The following AQP11 variants were observed in gnomAD, a reference collection of about 807,000 sequenced individuals.
AQP11 encodes aquaporin 11, also known as aquaporin-11.
AQP11 carries 20 observed loss-of-function variants against 21.1 expected under a neutral mutation model. The observed-to-expected ratio is 0.95, with a 90% CI of 0.67 to 1.38. AQP11 has a LOEUF of 1.38. Ranked by LOEUF, AQP11 falls within the 40% of genes most tolerant of loss-of-function variation. AQP11 has a pLI of 0.00. For missense variants in AQP11, 339 were observed against 340.4 expected (o/e 1.00, Z 0.03); for synonymous variants, 167 against 150.1 (o/e 1.11, Z -0.82).
At chr11:77,605,623 A>G (rs1958841421) in intron 2 of AQP11, among the ~76,000 whole-genome samples, 1 of 152,210 alleles carries the variant, frequency 6.6e-6, no homozygotes, top group Non-Finnish European at 1.5e-5. Flanking sequence ...CTGATGATCC[A>G]AGGTGGAACA....
chr11:77,601,587 T>C (rs1430041488), intron 1 of AQP11, among the ~76,000 whole-genome samples: 3 of 152,154 alleles, frequency 2.0e-5, no homozygotes, highest in African/African-American at 7.2e-5. Context: ...TGGGCTCAAG[T>C]GATCCACCCG....
At chr11:77,595,643 C>T (rs755116717) in intron 1 of AQP11, among the ~76,000 whole-genome samples, 8 of 152,214 alleles carry the variant, frequency 5.3e-5, no homozygotes, top group South Asian at 2.1e-4. Flanking sequence ...ATAATATGGC[C>T]GGGCAGGATG....
At chr11:77,593,607 A>G (rs1958761689) in intron 1 of AQP11, among the ~76,000 whole-genome samples, 1 of 152,172 alleles carries the variant, frequency 6.6e-6, no homozygotes. Context: ...ATTGCACTCC[A>G]GCCTGGGAGA....
rs1381402826 is a variant in AQP11, at chr11:77,596,506, ATG to A, written c.619+5899_619+5900del. Among the ~76,000 whole-genome samples, 134 of 125,270 alleles carry A rather than the reference ATG, an allele frequency of 1.1e-3. 4 individuals are homozygous for A. The highest frequency in any genetic ancestry group is 3.7e-3 in the African/African-American group (124 of 33,308). The allele number at this position is 125,270 out of a possible 152,430, so 82.2% of individuals were successfully genotyped here. ...TGTGTAAATATATGTGTAAATATATATGTGTAAATATATATGTAAATATATAT... is the reference window on the plus strand; with the variant it reads ...TGTGTAAATATATGTGTAAATATATATGTAAATATATATGTAAATATATAT... On this transcript the variant is annotated intron_variant, in intron 1 of 2. Transcript: ENST00000313578.
intron 1 of AQP11, among the ~76,000 whole-genome samples, chr11:77,594,889 TAA>T (rs112398729): frequency 5.7e-5 from 8 of 140,848 alleles, no homozygotes; most frequent in Admixed American, 2.2e-4. Flanking sequence ...CCTAATCGTG[TAA>T]AAAAAAAAAA....
At chr11:77,595,007 G>C (rs1345340399) in intron 1 of AQP11, among the ~76,000 whole-genome samples, 1 of 152,154 alleles carries the variant, frequency 6.6e-6, no homozygotes, top group Non-Finnish European at 1.5e-5. Context: ...TGAACAGTTT[G>C]AGAGAGAGCT....
At chr11:77,598,687 AC>A (rs1258706660) in intron 1 of AQP11, among the ~76,000 whole-genome samples, 2 of 151,946 alleles carry the variant, frequency 1.3e-5, no homozygotes, top group Non-Finnish European at 2.9e-5. Flanking sequence ...TTGTGTTACA[AC>A]CTTCCAAACT....
Position 77,609,283 on chromosome 11 carries a change from T to C in AQP11, c.737-15T>C. 1 of 1,602,588 alleles carries C rather than the reference T, an allele frequency of 6.2e-7. No individual in the cohort carries two copies. The highest frequency in any genetic ancestry group is 2.2e-5 in the East Asian group (1 of 44,734). ...TAAAGATTGTTTTTTTATTTTACTG[T>C]ATTTTGTCTTTCAGGTATATTGTTG... is the stretch of plus-strand genomic sequence containing the variant. On this transcript the variant is annotated splice_polypyrimidine_tract_variant and intron_variant, in intron 2 of 2. Coordinates refer to ENST00000313578, the MANE Select transcript of AQP11 (RefSeq NM_173039.3).
chr11:77,594,607 C>G (rs925358320), intron 1 of AQP11, among the ~76,000 whole-genome samples: 4 of 152,172 alleles, frequency 2.6e-5, no homozygotes, highest in African/African-American at 4.8e-5. Context: ...TTCTAGGATA[C>G]TACAAGTACA....
chr11:77,595,977 T>A (rs1174876155), intron 1 of AQP11, among the ~76,000 whole-genome samples: 1 of 151,668 alleles, frequency 6.6e-6, no homozygotes. Flanking sequence ...GAAGGGAACA[T>A]ATGTTCTTTT....
Position 77,609,591 on chromosome 11 carries a change from G to C in AQP11, c.*214G>C. On this transcript the variant is annotated 3_prime_UTR_variant, in exon 3 of 3. Coordinates refer to ENST00000313578, the MANE Select transcript of AQP11 (RefSeq NM_173039.3). ...TTCTCAGTTAAGACTTGTTCTTTGA[G>C]TGATGTATTAAATGCTGCTAGAAAA... The C allele has an allele frequency of 2.6e-6, 1 of 387,366 alleles. No homozygotes were observed. The allele number at this position is 387,366 out of a possible 1,614,324, so 24.0% of individuals were successfully genotyped here.
rs762719203 is a variant in AQP11, at chr11:77,590,113, A to G, written c.121A>G (p.Arg41Gly). ...CGTAGTCGCCCGGCAGCAGCTGCAC[A>G]GGCCGGTGGCCCACGCCTTCGTCCT... ...ARVVARQQLH[R>G]PVAHAFVLEF... is the part of the protein sequence containing the mutation. The change falls in exon 1 of 3, where the codon AGG becomes GGG. Residue 41 changes from arginine to glycine, a missense_variant. Physicochemically the swap from Arg to Gly is moderately radical, Grantham distance 125 (BLOSUM62 -2). Transcript: ENST00000313578. The G allele has an allele frequency of 6.2e-7, 1 of 1,607,946 alleles. No individual in the cohort carries two copies. The highest frequency in any genetic ancestry group is 1.1e-5 in the South Asian group (1 of 90,946).
rs113262386 is a variant in AQP11, at chr11:77,590,690, T to G, written c.619+79T>G. 2,981 of 1,521,938 alleles carry G rather than the reference T, an allele frequency of 2.0e-3. 35 individuals are homozygous for G. In the African/African-American group the frequency reaches 0.029, roughly 15 times the overall value. 94.3% of individuals were successfully genotyped at this position (1,521,938 alleles called of 1,614,324 possible). ...CTGTAAGTTCTTTACTAAAATACAT[T>G]TGAAACCGTCTATCCCGCTATGATG... On this transcript the variant is annotated intron_variant, in intron 1 of 2. Transcript: ENST00000313578.
At chr11:77,596,557 T>C (rs1308254696) in intron 1 of AQP11, among the ~76,000 whole-genome samples, 1 of 131,380 alleles carries the variant, frequency 7.6e-6, no homozygotes, top group Non-Finnish European at 1.6e-5. Context: ...TATATATATA[T>C]ATATATGTAT....
At chr11:77,604,118 T>C (rs1291036231) in intron 2 of AQP11, among the ~76,000 whole-genome samples, 1 of 152,202 alleles carries the variant, frequency 6.6e-6, no homozygotes, top group African/African-American at 2.4e-5. Context: ...TGTTTTTGTT[T>C]TGTTTTTTTT....
At chr11:77,594,400 G>A (rs1040757603) in intron 1 of AQP11, among the ~76,000 whole-genome samples, 3 of 152,246 alleles carry the variant, frequency 2.0e-5, no homozygotes, top group African/African-American at 4.8e-5. Context: ...TCAAACTTAC[G>A]AGATCCTCTT....
rs540035449 is a variant in AQP11 at position 77,608,470 on chromosome 11, G to A, written c.737-828G>A. On this transcript the variant is annotated intron_variant, in intron 2 of 2. Coordinates refer to ENST00000313578, the MANE Select transcript of AQP11 (RefSeq NM_173039.3). The stretch of plus-strand genomic sequence containing the variant: ...TCTACTAAAAATAAAAAAATTAGCC[G>A]AGCATGGTGGCGGGCGCCTGTAATC... Among the ~76,000 whole-genome samples, 7 of 152,148 alleles carry A rather than the reference G, an allele frequency of 4.6e-5. No individual in the cohort carries two copies. The East Asian group carries it at 9.6e-4, about 21-fold the overall frequency.
At chr11:77,594,782 C>G (rs73500735) in intron 1 of AQP11, among the ~76,000 whole-genome samples, 1 of 151,836 alleles carries the variant, frequency 6.6e-6, no homozygotes, top group East Asian at 1.9e-4. Context: ...AGCCAGTGAC[C>G]AAGTGTCTGT....
Position 77,606,036 on chromosome 11 carries a change from C to CA in AQP11, c.736+2391dup, listed in dbSNP as rs11326964. On this transcript the variant is annotated intron_variant, in intron 2 of 2. Transcript: ENST00000313578. ...CTAGCCTGGGCGACAGAGCGAGTCT[C>CA]AAAAAAAAAAAAAAAAAAAAAAAAA... Among the ~76,000 whole-genome samples the CA allele has an allele frequency of 6.3e-3, 400 of 63,986 alleles. 48 individuals are homozygous for CA. The highest frequency in any genetic ancestry group is 0.017 in the Middle Eastern group (1 of 58). 42.0% of individuals were successfully genotyped at this position (63,986 alleles called of 152,430 possible).
Sources: gnomAD v4.1 joint callset for allele counts (sites outside exome capture counted in the v4.1 genomes callset) on GRCh38, gnomAD v4.1.1 for gene constraint, MANE v1.5 for transcripts, NCBI Gene and HGNC (gene_info 2026-07-23, HGNC 2026-07-21) for gene names.